The following CAPZB variants were observed in gnomAD, a reference collection of about 807,000 sequenced individuals.
CAPZB encodes the protein capping actin protein of muscle Z-line subunit beta.
Under a neutral mutation model 38.1 loss-of-function variants are expected in CAPZB, and 2 were observed. That is an observed-to-expected ratio of 0.05 (90% confidence interval 0.02 to 0.17). The LOEUF (loss-of-function observed/expected upper bound fraction) is 0.17. CAPZB is among the 10% of genes least tolerant of loss of function. CAPZB has a pLI of 1.00. For synonymous variants in CAPZB, 107 were observed against 127.4 expected, an observed-to-expected ratio of 0.84 and a Z score of 1.08; for missense variants, 161 against 334.2, an observed-to-expected ratio of 0.48 and a Z score of 4.04.
At chr1:19,345,827 A>T (rs1049591173) in intron 6 of CAPZB, among the ~76,000 whole-genome samples, 2 of 152,236 alleles carry the variant, frequency 1.3e-5, no homozygotes, top group African/African-American at 2.4e-5. Context: ...GCAATGGCAG[A>T]GCCTGGGTCA....
At chr1:19,408,195 C>T (rs1008358011) in intron 2 of CAPZB, among the ~76,000 whole-genome samples, 48 of 152,352 alleles carry the variant, frequency 3.2e-4, no homozygotes, top group African/African-American at 1.2e-3. Flanking sequence ...AAAGGCTGCC[C>T]AGGGCATCAG....
At position 19,357,431 on chromosome 1, in the gene CAPZB, T is replaced by A. The variant is rs764850427; in HGVS notation, c.462A>T (p.Val154=). The change falls in exon 5 of 9, where the codon GTA becomes GTT. Residue 154 remains valine (V), a synonymous_variant. Coordinates refer to ENST00000264202, the MANE Select transcript of CAPZB (RefSeq NM_004930.5). This position sits in a 1 kb window ranked among gnomAD's most constrained non-coding sequence, Gnocchi z 4.3. ...IKGCWDSIHV[V]EVQEKSSGRT... ...TGCTGGGAGGCAGTACCTGCACTTC[T>A]ACCACGTGGATGGAATCCCAGCAGC... is the stretch of plus-strand genomic sequence containing the variant. 1 of 1,613,960 alleles carries A rather than the reference T, an allele frequency of 6.2e-7. No individual in the cohort carries two copies. The highest frequency in any genetic ancestry group is 1.3e-5 in the African/African-American group (1 of 75,058).
At chr1:19,426,898 C>T (rs59274903) in intron 1 of CAPZB, among the ~76,000 whole-genome samples, 1 of 152,314 alleles carries the variant, frequency 6.6e-6, no homozygotes, top group African/African-American at 2.4e-5. Flanking sequence ...CTTGGGGAGA[C>T]AGCCTGACCA....
chr1:19,407,072 C>T (rs1310509584), intron 2 of CAPZB, among the ~76,000 whole-genome samples: 1 of 152,228 alleles, frequency 6.6e-6, no homozygotes, highest in African/African-American at 2.4e-5. Context: ...CATCCTCAGA[C>T]TAACAGCCTA....
chr1:19,439,973 C>T (rs768326346), intron 1 of CAPZB, among the ~76,000 whole-genome samples: 4 of 152,164 alleles, frequency 2.6e-5, no homozygotes, highest in South Asian at 4.1e-4. Context: ...CATCATCTGC[C>T]CAGACACAAA....
chr1:19,471,172 G>T (rs1237909505), intron 1 of CAPZB, among the ~76,000 whole-genome samples: 10 of 152,184 alleles, frequency 6.6e-5, no homozygotes, highest in Non-Finnish European at 1.0e-4. Flanking sequence ...AAAGCTACGT[G>T]CATGTGGTAT....
At chr1:19,383,256 G>A (rs1384922180) in intron 3 of CAPZB, among the ~76,000 whole-genome samples, 2 of 152,038 alleles carry the variant, frequency 1.3e-5, no homozygotes, top group Non-Finnish European at 2.9e-5. Context: ...GACCAGCCTG[G>A]CCAACGTGGT....
chr1:19,444,346 C>T (rs1437541645), intron 1 of CAPZB, among the ~76,000 whole-genome samples: 9 of 152,164 alleles, frequency 5.9e-5, no homozygotes, highest in Admixed American at 4.6e-4. Flanking sequence ...CACCCAGCTG[C>T]CACCTCCCCA....
At chr1:19,458,935 A>T (rs1473999523) in intron 1 of CAPZB, among the ~76,000 whole-genome samples, 1 of 152,216 alleles carries the variant, frequency 6.6e-6, no homozygotes, top group African/African-American at 2.4e-5. Flanking sequence ...CTAGGTGGAG[A>T]GGGCACCTCC....
chr1:19,386,842 G>C (rs1361835572), intron 2 of CAPZB, among the ~76,000 whole-genome samples: 1 of 152,180 alleles, frequency 6.6e-6, no homozygotes, highest in Non-Finnish European at 1.5e-5. Flanking sequence ...TTATACAGGG[G>C]ACAGTACCCA....
chr1:19,384,601 G>C (rs1032709135), intron 3 of CAPZB, among the ~76,000 whole-genome samples: 3 of 152,170 alleles, frequency 2.0e-5, no homozygotes, highest in Non-Finnish European at 2.9e-5. Flanking sequence ...CATTTTTCCT[G>C]CTTTGACTTC....
chr1:19,377,164 A>G (rs2094148678), intron 4 of CAPZB, among the ~76,000 whole-genome samples: 1 of 152,244 alleles, frequency 6.6e-6, no homozygotes. Flanking sequence ...AGAAGATAGT[A>G]AAAAACAATT....
intron 1 of CAPZB, among the ~76,000 whole-genome samples, chr1:19,447,250 A>T (rs1476008622): frequency 7.2e-6 from 1 of 138,872 alleles, no homozygotes; most frequent in Non-Finnish European, 1.5e-5. Flanking sequence ...AGACAGAGAC[A>T]TTGGGCAGCA....
At chr1:19,375,097 GCCA>G (rs2094138266) in intron 4 of CAPZB, among the ~76,000 whole-genome samples, 1 of 152,184 alleles carries the variant, frequency 6.6e-6, no homozygotes, top group Non-Finnish European at 1.5e-5. Flanking sequence ...CACTTATGTG[GCCA>G]CCAACAGCCT....
intron 1 of CAPZB, among the ~76,000 whole-genome samples, chr1:19,447,113 C>T (rs1256172514): frequency 6.6e-6 from 1 of 152,140 alleles, no homozygotes; most frequent in Non-Finnish European, 1.5e-5. Context: ...GTGTGCCCAT[C>T]CCAGCCCTCA....
intron 8 of CAPZB, chr1:19,342,991 C>A (rs576953309): frequency 1.3e-5 from 9 of 688,394 alleles, no homozygotes; most frequent in Non-Finnish European, 1.8e-5. Flanking sequence ...GATGCCGTGG[C>A]GGCTCTGGGG....
intron 4 of CAPZB, among the ~76,000 whole-genome samples, chr1:19,367,268 A>C (rs746002272): frequency 6.6e-6 from 1 of 152,232 alleles, no homozygotes; most frequent in African/African-American, 2.4e-5. Context: ...AGATATAAGG[A>C]AGATCACAAG....
rs368150212 is a variant in CAPZB at position 19,365,812 on chromosome 1, T to A, written c.330-8249A>T. Among the ~76,000 whole-genome samples the A allele has an allele frequency of 8.1e-5, 12 of 148,716 alleles. 1 individual carries two copies. The highest frequency in any genetic ancestry group is 1.3e-4 in the Admixed American group (2 of 14,848). On this transcript the variant is annotated intron_variant, in intron 4 of 8. Transcript: ENST00000264202. Reference sequence around the variant, plus strand: ...TCATGCCATTGCACTCCAGCCTGAGTAACAAGAGTGAAACTCCGTCTCAAA... The same window carrying A: ...TCATGCCATTGCACTCCAGCCTGAGAAACAAGAGTGAAACTCCGTCTCAAA...
chr1:19,370,710 C>T (rs2094115397), intron 4 of CAPZB, among the ~76,000 whole-genome samples: 1 of 152,148 alleles, frequency 6.6e-6, no homozygotes. Context: ...TTCCCAGCTG[C>T]CAGCCGCGGG....
Sources: gnomAD v4.1 joint callset for allele counts (sites outside exome capture counted in the v4.1 genomes callset) on GRCh38, gnomAD v4.1.1 for gene constraint, Gnocchi (gnomAD v3.1) non-coding constraint, MANE v1.5 for transcripts, NCBI Gene and HGNC (gene_info 2026-07-23, HGNC 2026-07-21) for gene names.